Variants in FOXP4 observed in about 807,000 individuals in gnomAD.
FOXP4 encodes forkhead box protein P4.
Under a neutral mutation model 82.6 loss-of-function variants are expected in FOXP4, and 25 were observed. The observed-to-expected ratio is 0.30, with a 90% CI of 0.22 to 0.42. The LOEUF (loss-of-function observed/expected upper bound fraction) is 0.42. Ranked by LOEUF, FOXP4 falls within the 10% of genes least tolerant of loss-of-function variation. The pLI is 1.00. For missense variants in FOXP4, 785 were observed against 900.9 expected (o/e 0.87, Z 1.65); for synonymous variants, 415 against 388.2 (o/e 1.07, Z -0.81).
At chr6:41,552,033 C>A (rs1055032967) in intron 1 of FOXP4, among the ~76,000 whole-genome samples, 14 of 152,196 alleles carry the variant, frequency 9.2e-5, no homozygotes, top group African/African-American at 3.4e-4. Context: ...GTGTGCCACC[C>A]AGAGAGCCCT....
chr6:41,580,867 C>T (rs1765759197), intron 3 of FOXP4, among the ~76,000 whole-genome samples: 1 of 152,220 alleles, frequency 6.6e-6, no homozygotes, highest in Non-Finnish European at 1.5e-5. Flanking sequence ...TTTCTGCCCA[C>T]GCACCTCCCA....
chr6:41,566,040 C>G (rs1764862925), intron 2 of FOXP4, 76 bp downstream of exon 2: 1 of 1,442,272 alleles, frequency 6.9e-7, no homozygotes, highest in Non-Finnish European at 9.4e-7. Context: ...ATCCTGGCTG[C>G]TGGAGCACCA....
Position 41,594,807 on chromosome 6 carries a change from G to A in FOXP4, c.1537-63G>A, listed in dbSNP as rs113120848. 3.1e-6 allele frequency: 5 copies of A among 1,605,430 alleles called. 1 individual carries two copies. In the African/African-American group the frequency reaches 4.0e-5, roughly 13 times the overall value. Reference sequence around the variant, plus strand: ...TGCGTGGGACATGGGATGGGATGAGGACTATCATGTTTGTGCTTGGCCAAG... The same window carrying A: ...TGCGTGGGACATGGGATGGGATGAGAACTATCATGTTTGTGCTTGGCCAAG... On this transcript the variant is annotated intron_variant, in intron 13 of 16. Transcript: ENST00000307972.
intron 15 of FOXP4, 86 bp from the exon 16 acceptor site, chr6:41,597,695 C>T: frequency 6.7e-7 from 1 of 1,488,704 alleles, no homozygotes; most frequent in Non-Finnish European, 9.0e-7. Flanking sequence ...AGGCAGCTCT[C>T]TAGTGGGCGG....
chr6:41,570,631 A>T, intron 2 of FOXP4, among the ~76,000 whole-genome samples: 1 of 152,174 alleles, frequency 6.6e-6, no homozygotes, highest in East Asian at 1.9e-4. Flanking sequence ...TACCAGCAGG[A>T]GAGCCCCCAG....
At chr6:41,588,271 C>T (rs1387049250) in intron 8 of FOXP4, among the ~76,000 whole-genome samples, 3 of 152,136 alleles carry the variant, frequency 2.0e-5, no homozygotes, top group African/African-American at 4.8e-5. Flanking sequence ...GGTGGACGGG[C>T]GGCTGGCAGC....
At chr6:41,574,156 G>A (rs1765347293) in intron 2 of FOXP4, among the ~76,000 whole-genome samples, 1 of 152,036 alleles carries the variant, frequency 6.6e-6, no homozygotes, top group Admixed American at 6.5e-5. Flanking sequence ...TTCCTTTCTT[G>A]GTCTTCTTCC....
chr6:41,577,423 C>A (rs1765549439), intron 2 of FOXP4, among the ~76,000 whole-genome samples: 4 of 152,172 alleles, frequency 2.6e-5, no homozygotes, highest in Admixed American at 2.6e-4. Context: ...CCCAGACTGA[C>A]CACCCAGTAA....
At chr6:41,556,033 G>T (rs551251963) in intron 1 of FOXP4, among the ~76,000 whole-genome samples, 1 of 152,056 alleles carries the variant, frequency 6.6e-6, no homozygotes, top group Non-Finnish European at 1.5e-5. Flanking sequence ...CTGTGGGAGC[G>T]TTTCAGGGAT....
Position 41,591,374 on chromosome 6 carries a change from A to C in FOXP4, c.1536+52A>C, listed in dbSNP as rs1269301874. 6.9e-7 allele frequency: 1 copy of C among 1,443,086 alleles called. No individual in the cohort carries two copies. Among genetic ancestry groups the C allele is most frequent in the Non-Finnish European group, 9.5e-7 (1 of 1,048,828 alleles). 89.4% of individuals were successfully genotyped at this position (1,443,086 alleles called of 1,614,324 possible). ...GGCCCCAGTCACCCTTGGACCTGCC[A>C]TATCCCATGGAGACCAAGGCTGCCT... On this transcript the variant is annotated intron_variant, in intron 13 of 16. Coordinates refer to ENST00000307972, the MANE Select transcript of FOXP4 (RefSeq NM_001012426.2). This position sits in a 1 kb window ranked among gnomAD's most constrained non-coding sequence, Gnocchi z 4.2.
rs1214046033 is a variant in FOXP4, at chr6:41,546,578, C to G, written c.-306C>G. Reference sequence around the variant, plus strand: ...GGGCCGGGGGCGGGGACGCCGGGGTCCGGGAGCCCGGGAGCCGGAGCGAGC... The same window carrying G: ...GGGCCGGGGGCGGGGACGCCGGGGTGCGGGAGCCCGGGAGCCGGAGCGAGC... On this transcript the variant is annotated 5_prime_UTR_variant, in exon 1 of 17. Coordinates refer to ENST00000307972, the MANE Select transcript of FOXP4 (RefSeq NM_001012426.2). 6 of 148,380 alleles carry G rather than the reference C, an allele frequency of 4.0e-5. No individual in the cohort carries two copies. Among genetic ancestry groups the G allele is most frequent in the African/African-American group, 1.5e-4 (6 of 40,988 alleles). 9.2% of individuals were successfully genotyped at this position (148,380 alleles called of 1,614,324 possible).
In FOXP4 at chr6:41,600,209, A is replaced by T. The variant is rs1767141257; in HGVS notation, c.*1273A>T. On this transcript the variant is annotated 3_prime_UTR_variant, in exon 17 of 17. Coordinates refer to ENST00000307972, the MANE Select transcript of FOXP4 (RefSeq NM_001012426.2). The stretch of plus-strand genomic sequence containing the variant: ...CTCCTGCCCAGCCTGGGGGAAGGAG[A>T]AAGGAGGGGAGAAAGCGGGCTCTCA... 1 of 152,294 alleles carries T rather than the reference A, an allele frequency of 6.6e-6. No individual in the cohort carries two copies. Among genetic ancestry groups the T allele is most frequent in the African/African-American group, 2.4e-5 (1 of 41,304 alleles). The allele number at this position is 152,294 out of a possible 1,614,324, so 9.4% of individuals were successfully genotyped here.
intron 15 of FOXP4, 122 bp downstream of exon 15, chr6:41,597,364 A>C: frequency 2.0e-6 from 2 of 1,010,952 alleles, no homozygotes; most frequent in Non-Finnish European, 3.0e-6. Flanking sequence ...TGAAGACCCA[A>C]ACTCTCCGAG....
intron 15 of FOXP4, 23 bp from the exon 16 acceptor site, chr6:41,597,758 G>A: frequency 6.2e-7 from 1 of 1,601,560 alleles, no homozygotes; most frequent in African/African-American, 1.3e-5. Flanking sequence ...CCACTGACGA[G>A]GCCCAACCCT....
chr6:41,549,433 T>A (rs1437229127), intron 1 of FOXP4, among the ~76,000 whole-genome samples: 1 of 152,060 alleles, frequency 6.6e-6, no homozygotes, highest in African/African-American at 2.4e-5. Context: ...CCCCTTCCTC[T>A]GCCTTTAGAG....
chr6:41,561,248 TCCTG>T (rs1309570683), intron 1 of FOXP4, among the ~76,000 whole-genome samples: 1 of 152,148 alleles, frequency 6.6e-6, no homozygotes, highest in Non-Finnish European at 1.5e-5. Context: ...GGCCACTAGG[TCCTG>T]CCTAAGTGCA....
chr6:41,595,116 G>A (rs1312413092), intron 14 of FOXP4, 125 bp downstream of exon 14: 52 of 1,430,200 alleles, frequency 3.6e-5, no homozygotes, highest in East Asian at 4.9e-5. Context: ...GAAGGGGTGT[G>A]GGGAGAAAGG....
In FOXP4 at chr6:41,591,177, C is replaced by G. The variant is rs939148127; in HGVS notation, c.1435-44C>G. On this transcript the variant is annotated intron_variant, in intron 12 of 16. Transcript: ENST00000307972. The surrounding 1 kb of genome is among the most constrained non-coding windows in gnomAD (Gnocchi z 4.2). ...GAGGGAACCCAGGGCTGTGACCCTT[C>G]GAGGCCCAGGCTGACGGTCCCTTTG... 6.5e-7 allele frequency: 1 copy of G among 1,533,228 alleles called. No homozygotes were observed. Among genetic ancestry groups the G allele is most frequent in the Non-Finnish European group, 8.9e-7 (1 of 1,123,038 alleles). The allele number at this position is 1,533,228 out of a possible 1,614,324, so 95.0% of individuals were successfully genotyped here.
chr6:41,597,648 A>T, intron 15 of FOXP4, 133 bp from the exon 16 acceptor site: 1 of 1,181,272 alleles, frequency 8.5e-7, no homozygotes, highest in Non-Finnish European at 1.2e-6. Flanking sequence ...GGGGTTGCCC[A>T]GACAGATCCG....
Sources: allele counts gnomAD v4.1 joint callset (sites outside exome capture counted in the v4.1 genomes callset), GRCh38; gene constraint gnomAD v4.1.1; non-coding constraint Gnocchi (gnomAD v3.1); transcripts MANE v1.5; gene names NCBI Gene and HGNC (gene_info 2026-07-23, HGNC 2026-07-21).